ZFHX3: variants seen among roughly 807,000 people sequenced by gnomAD.
ZFHX3 encodes the protein zinc finger homeobox protein 3.
ZFHX3 carries 42 observed loss-of-function variants against 279.1 expected under a neutral mutation model. The observed-to-expected ratio is 0.15, with a 90% CI of 0.12 to 0.19. ZFHX3 has a LOEUF of 0.19. ZFHX3 is among the 10% of genes least tolerant of loss of function. The pLI is 1.00. For missense variants in ZFHX3, 4,981 were observed against 4,754.0 expected (o/e 1.05, Z -1.40); for synonymous variants, 2,293 against 1,957.8 (o/e 1.17, Z -4.52).
At chr16:73,263,671 C>T (rs1877155119) in intron 4 of ZFHX3, among the ~76,000 whole-genome samples, 1 of 152,194 alleles carries the variant, frequency 6.6e-6, no homozygotes, top group African/African-American at 2.4e-5. Context: ...GCAGCAGCAG[C>T]AAGAGAGATT....
chr16:73,240,019 TTTTG>T (rs1368805453), intron 5 of ZFHX3, among the ~76,000 whole-genome samples: 1 of 139,686 alleles, frequency 7.2e-6, no homozygotes, highest in Admixed American at 7.2e-5. Flanking sequence ...AAGAACCTTA[TTTTG>T]TGTGTGTGTG....
In ZFHX3 at chr16:73,439,266, T is replaced by C. The variant is rs1444405803; in HGVS notation, c.-1291+16737A>G. Among the ~76,000 whole-genome samples the C allele has an allele frequency of 3.3e-5, 5 of 152,186 alleles. No homozygotes were observed. In the East Asian group the frequency reaches 9.6e-4, roughly 29 times the overall value. ...CTTCTTAGTTGAACAGACTGTTGAATGATGAAACACAGTTTGGAATATTAA... is the reference window on the plus strand; with the variant it reads ...CTTCTTAGTTGAACAGACTGTTGAACGATGAAACACAGTTTGGAATATTAA... On this transcript the variant is annotated intron_variant, in intron 3 of 17. Coordinates refer to the ZFHX3 transcript ENST00000641206.
At chr16:73,805,446 G>T (rs1960252766) in intron 1 of ZFHX3, among the ~76,000 whole-genome samples, 1 of 152,174 alleles carries the variant, frequency 6.6e-6, no homozygotes, top group Non-Finnish European at 1.5e-5. Context: ...TGGGATTATA[G>T]GTGTGAGCTA....
intron 2 of ZFHX3, among the ~76,000 whole-genome samples, chr16:73,506,179 T>A (rs539095007): frequency 6.6e-6 from 1 of 152,316 alleles, no homozygotes; most frequent in South Asian, 2.1e-4. Context: ...GTCTCCTAAG[T>A]CATGCGCCTG....
At chr16:73,839,665 T>C (rs750547204) in intron 1 of ZFHX3, among the ~76,000 whole-genome samples, 7 of 152,214 alleles carry the variant, frequency 4.6e-5, no homozygotes, top group Non-Finnish European at 7.3e-5. Flanking sequence ...ATTAAAGTTC[T>C]CTTCACTTCC....
At chr16:73,602,714 A>AG (rs200330489) in intron 2 of ZFHX3, among the ~76,000 whole-genome samples, 5 of 152,014 alleles carry the variant, frequency 3.3e-5, no homozygotes, top group Admixed American at 6.6e-5. Context: ...TGGGAGGCTC[A>AG]GGGGGGCAGA....
chr16:72,796,857 C>T lies in ZFHX3; in HGVS notation c.5825G>A (p.Gly1942Glu), dbSNP rs1410398135. Reference sequence around the variant, plus strand: ...CTCCAGCAGGGCCTTGGTGGCGTTCCCTCTGGCATCTGAAGCAATGCGTGG... The same window carrying T: ...CTCCAGCAGGGCCTTGGTGGCGTTCTCTCTGGCATCTGAAGCAATGCGTGG... ...LPPRIASDARGNATKALLENF... is the reference protein window; with the variant it reads ...LPPRIASDARENATKALLENF... Residue 1942 changes from glycine to glutamate, a missense_variant, in exon 9 of 10, where the codon GGG becomes GAG. Transcript: ENST00000268489. 1.2e-6 allele frequency: 2 copies of T among 1,613,276 alleles called. No individual in the cohort carries two copies. The highest frequency in any genetic ancestry group is 1.3e-5 in the African/African-American group (1 of 74,668).
chr16:73,001,439 C>T (rs969693951), intron 1 of ZFHX3, among the ~76,000 whole-genome samples: 4 of 152,168 alleles, frequency 2.6e-5, no homozygotes, highest in African/African-American at 9.7e-5. Context: ...TAAGTGCTTG[C>T]CATTTTAAGC....
intron 3 of ZFHX3, among the ~76,000 whole-genome samples, chr16:73,344,057 A>G (rs1207610648): frequency 1.3e-5 from 2 of 152,236 alleles, no homozygotes; most frequent in African/African-American, 4.8e-5. Flanking sequence ...AGATCAGGAT[A>G]TTTATGTCAC....
intron 1 of ZFHX3, among the ~76,000 whole-genome samples, chr16:73,769,131 G>C (rs1022937684): frequency 6.6e-6 from 1 of 152,106 alleles, no homozygotes; most frequent in Admixed American, 6.6e-5. Flanking sequence ...CCTTGGACAA[G>C]GTTCTTGGCT....
chr16:72,823,737 A>G (rs189248960), intron 5 of ZFHX3, among the ~76,000 whole-genome samples: 74 of 152,274 alleles, frequency 4.9e-4, no homozygotes, highest in African/African-American at 1.7e-3. Flanking sequence ...ATAATTTATG[A>G]AGCTCCAGAA....
intron 4 of ZFHX3, among the ~76,000 whole-genome samples, chr16:73,295,062 A>G (rs143791290): frequency 0.013 from 1,915 of 151,992 alleles, 32 homozygotes; most frequent in African/African-American, 0.044. Context: ...AAATACAAAA[A>G]AAATTAGCCA....
chr16:73,285,737 T>C (rs1172177230), intron 4 of ZFHX3, among the ~76,000 whole-genome samples: 1 of 152,212 alleles, frequency 6.6e-6, no homozygotes, highest in Admixed American at 6.5e-5. Flanking sequence ...CCCTGTTATT[T>C]CTCTGAGAGT....
chr16:73,734,210 C>T (rs2053591173), intron 1 of ZFHX3, among the ~76,000 whole-genome samples: 1 of 152,130 alleles, frequency 6.6e-6, no homozygotes, highest in Non-Finnish European at 1.5e-5. Context: ...GCTGTGCAGC[C>T]CGGTTCCTAA....
chr16:73,820,132 C>T (rs1960692502), intron 1 of ZFHX3, among the ~76,000 whole-genome samples: 1 of 152,158 alleles, frequency 6.6e-6, no homozygotes, highest in Non-Finnish European at 1.5e-5. Flanking sequence ...CTCTGTCGCC[C>T]AGGCTGGAGT....
chr16:72,967,868 C>T (rs1473791192), intron 1 of ZFHX3, among the ~76,000 whole-genome samples: 1 of 149,514 alleles, frequency 6.7e-6, no homozygotes, highest in Non-Finnish European at 1.5e-5. Flanking sequence ...ACACAACTTG[C>T]AGTGAGCCGA....
rs550439861 is a variant in ZFHX3, at chr16:73,720,357, G to A, written c.-1607-40117C>T. 1.3e-3 allele frequency among the ~76,000 whole-genome samples: 201 copies of A among 152,258 alleles called. 1 individual carries two copies. Among genetic ancestry groups the A allele is most frequent in the Non-Finnish European group, 2.1e-3 (145 of 68,012 alleles). On this transcript the variant is annotated intron_variant, in intron 1 of 17. Transcript: ENST00000641206. Reference sequence around the variant, plus strand: ...AACATCACAAAAATTACCTATAGATGTATGTATGAAGAATTTTATCTCGCT... The same window carrying A: ...AACATCACAAAAATTACCTATAGATATATGTATGAAGAATTTTATCTCGCT...
chr16:73,873,380 T>C (rs998315204), intron 1 of ZFHX3, among the ~76,000 whole-genome samples: 1 of 151,822 alleles, frequency 6.6e-6, no homozygotes, highest in Non-Finnish European at 1.5e-5. Context: ...AAGCAACAAG[T>C]TCATCAACTA....
chr16:73,695,628 T>C (rs1271552956), intron 1 of ZFHX3, among the ~76,000 whole-genome samples: 1 of 152,196 alleles, frequency 6.6e-6, no homozygotes, highest in East Asian at 1.9e-4. Context: ...CCTAGTTCCA[T>C]TTATTAGCAG....
Sources: gnomAD v4.1 joint callset for allele counts (sites outside exome capture counted in the v4.1 genomes callset) on GRCh38, gnomAD v4.1.1 for gene constraint, MANE v1.5 for transcripts, NCBI Gene and HGNC (gene_info 2026-07-23, HGNC 2026-07-21) for gene names.